MAPK10: variants seen among roughly 807,000 people sequenced by gnomAD.
MAPK10 encodes JNK3 alpha protein kinase.
Under a neutral mutation model 59.3 loss-of-function variants are expected in MAPK10, and 25 were observed. That is an observed-to-expected ratio of 0.42 (90% confidence interval 0.31 to 0.59). The LOEUF (loss-of-function observed/expected upper bound fraction) is 0.59, where lower values mean the gene tolerates loss of function less well. Ranked by LOEUF, MAPK10 falls within the 20% of genes least tolerant of loss-of-function variation. MAPK10 has a pLI of 0.15. For missense variants in MAPK10, 351 were observed against 568.9 expected (o/e 0.62, Z 3.90); for synonymous variants, 190 against 200.5 (o/e 0.95, Z 0.44).
intron 2 of MAPK10, among the ~76,000 whole-genome samples, chr4:86,304,444 T>C (rs943944192): frequency 6.8e-6 from 1 of 147,676 alleles, no homozygotes; most frequent in Non-Finnish European, 1.5e-5. Context: ...CCAGGCCGGA[T>C]TGCAGTGGCG....
chr4:86,384,995 T>C (rs1741277670), intron 1 of MAPK10, among the ~76,000 whole-genome samples: 1 of 152,126 alleles, frequency 6.6e-6, no homozygotes, highest in Non-Finnish European at 1.5e-5. Flanking sequence ...ATATGATACA[T>C]TTAATTACAC....
intron 2 of MAPK10, among the ~76,000 whole-genome samples, chr4:86,223,945 G>A (rs1322411528): frequency 1.3e-5 from 2 of 152,118 alleles, no homozygotes; most frequent in Admixed American, 6.5e-5. Flanking sequence ...GGCATGTGTG[G>A]CATCATCAAT....
At position 86,249,163 on chromosome 4, in the gene MAPK10, T is replaced by TAC. The variant is rs3029313; in HGVS notation, c.-6-54758_-6-54757dup. On this transcript the variant is annotated intron_variant, in intron 2 of 13. Transcript: ENST00000641462. ...CAGAATTTTATTATACATACATGCA[T>TAC]ACACACACACACACACACCATATGC... 7.9e-4 allele frequency among the ~76,000 whole-genome samples: 119 copies of TAC among 151,174 alleles called. 1 individual carries two copies. The highest frequency in any genetic ancestry group is 3.8e-3 in the South Asian group (18 of 4,788).
intron 4 of MAPK10, among the ~76,000 whole-genome samples, chr4:86,137,316 G>C (rs2062452277): frequency 6.6e-6 from 1 of 150,628 alleles, no homozygotes. Flanking sequence ...TAAAAGAACA[G>C]AAATTATAAC....
chr4:86,341,502 C>T (rs140876862), intron 2 of MAPK10, among the ~76,000 whole-genome samples: 1,607 of 152,126 alleles, frequency 0.011, 21 homozygotes, highest in African/African-American at 0.036. Context: ...TGTGGGAGGA[C>T]GGCAATGTGT....
chr4:86,513,748 T>C (rs1041327906), intron 1 of MAPK10, among the ~76,000 whole-genome samples: 1 of 152,184 alleles, frequency 6.6e-6, no homozygotes, highest in Non-Finnish European at 1.5e-5. Flanking sequence ...ACCTTATACC[T>C]ATTGCTTGTT....
chr4:86,450,855 C>T (rs17452273), intron 1 of MAPK10, among the ~76,000 whole-genome samples: 6,053 of 152,288 alleles, frequency 0.04, 176 homozygotes, highest in Middle Eastern at 0.079. Context: ...TTTTTTAATG[C>T]ATGCAGTCCT....
chr4:86,534,290 G>GAATTTCTTTAAGA (rs1351701585), intron 1 of MAPK10, among the ~76,000 whole-genome samples: 2 of 151,978 alleles, frequency 1.3e-5, no homozygotes, highest in African/African-American at 2.4e-5. Flanking sequence ...ATTAACCACA[G>GAATTTCTTTAAGA]AATTTCTTTA....
chr4:86,576,308 A>C (rs1761882710), intron 1 of MAPK10, among the ~76,000 whole-genome samples: 1 of 152,152 alleles, frequency 6.6e-6, no homozygotes, highest in Non-Finnish European at 1.5e-5. Flanking sequence ...AATTATCAAG[A>C]AGCAGCATAA....
chr4:86,415,043 G>A (rs989426167), intron 1 of MAPK10, among the ~76,000 whole-genome samples: 13 of 151,590 alleles, frequency 8.6e-5, no homozygotes, highest in African/African-American at 3.2e-4. Flanking sequence ...GGGAGACCGA[G>A]GTGAAAGGAT....
chr4:86,042,361 T>C (rs1005684312), intron 11 of MAPK10, among the ~76,000 whole-genome samples: 4 of 152,104 alleles, frequency 2.6e-5, no homozygotes. Context: ...ATTAGGACCA[T>C]ACCTAATGCA....
chr4:86,108,425 C>T (rs2056912632), intron 4 of MAPK10, among the ~76,000 whole-genome samples: 1 of 152,108 alleles, frequency 6.6e-6, no homozygotes, highest in African/African-American at 2.4e-5. Context: ...TACAACTGAT[C>T]TACTAAATTA....
chr4:86,382,880 G>A (rs552690132), intron 1 of MAPK10, among the ~76,000 whole-genome samples: 41 of 152,236 alleles, frequency 2.7e-4, no homozygotes, highest in African/African-American at 9.1e-4. Context: ...ACAAATCCTT[G>A]GGTTCACATC....
chr4:86,105,553 T>C (rs996196884), intron 5 of MAPK10, among the ~76,000 whole-genome samples: 6 of 152,124 alleles, frequency 3.9e-5, no homozygotes, highest in African/African-American at 1.4e-4. Context: ...GAAATATAAA[T>C]ACATGTATGG....
At chr4:86,070,277 T>C (rs984291341) in intron 9 of MAPK10, among the ~76,000 whole-genome samples, 1 of 152,178 alleles carries the variant, frequency 6.6e-6, no homozygotes, top group Non-Finnish European at 1.5e-5. Context: ...TAAGTACTTG[T>C]TTTCTAGATG....
At chr4:86,316,872 C>T (rs2095798232) in intron 2 of MAPK10, among the ~76,000 whole-genome samples, 1 of 151,726 alleles carries the variant, frequency 6.6e-6, no homozygotes, top group African/African-American at 2.4e-5. Flanking sequence ...GTAGAAATGC[C>T]CACCTTATGC....
At chr4:86,200,040 G>A (rs1254490606) in intron 2 of MAPK10, among the ~76,000 whole-genome samples, 4 of 151,912 alleles carry the variant, frequency 2.6e-5, no homozygotes, top group African/African-American at 7.2e-5. Context: ...TAATCAGTAA[G>A]TAAAAAACAA....
chr4:86,192,511 T>G (rs1158959320), intron 3 of MAPK10: 2 of 152,028 alleles, frequency 1.3e-5, no homozygotes, highest in Admixed American at 1.3e-4. Context: ...CACACTTTAT[T>G]TCATTAAGTT....
At chr4:86,440,747 G>A (rs1749320227) in intron 1 of MAPK10, among the ~76,000 whole-genome samples, 1 of 152,082 alleles carries the variant, frequency 6.6e-6, no homozygotes. Flanking sequence ...TGAGTCCACT[G>A]ATATTTTAAA....
Sources: allele counts gnomAD v4.1 joint callset (sites outside exome capture counted in the v4.1 genomes callset), GRCh38; gene constraint gnomAD v4.1.1; transcripts MANE v1.5; gene names NCBI Gene and HGNC (gene_info 2026-07-23, HGNC 2026-07-21).